AHI1: variants seen among roughly 807,000 people sequenced by gnomAD.
The protein encoded by AHI1 is Abelson helper integration site 1.
A neutral mutation model predicts 149.3 loss-of-function variants in AHI1; 123 were observed. That is an observed-to-expected ratio of 0.82 (90% CI 0.71 to 0.96). The LOEUF (loss-of-function observed/expected upper bound fraction) is 0.96, where lower values mean the gene tolerates loss of function less well. Ranked by LOEUF, AHI1 falls within the 40% of genes least tolerant of loss-of-function variation. The pLI is 0.00. For missense variants in AHI1, 1,439 were observed against 1,422.7 expected, an observed-to-expected ratio of 1.01 and a Z score of -0.18; for synonymous variants, 475 against 459.8, an observed-to-expected ratio of 1.03 and a Z score of -0.42.
Position 135,302,140 on chromosome 6 carries a change from C to T in AHI1, c.3427-1582G>A, listed in dbSNP as rs536300719. On this transcript the variant is annotated intron_variant, in intron 26 of 28. Transcript: ENST00000265602. ...CTGAGTTGCTGGGATTACAGGTGTG[C>T]GCCTCCATGTCCAGCTATTCTTTAC... 3,312 of 984,876 alleles carry T rather than the reference C, an allele frequency of 3.4e-3. 8 individuals carry two copies. Among genetic ancestry groups the T allele is most frequent in the Non-Finnish European group, 3.8e-3 (3,178 of 829,484 alleles). 61.0% of individuals were successfully genotyped at this position (984,876 alleles called of 1,614,324 possible).
rs771405595 is a variant in AHI1 at position 135,428,740 on chromosome 6, C to T, written c.2512G>A (p.Val838Ile). 11 of 1,604,010 alleles carry T rather than the reference C, an allele frequency of 6.9e-6. No individual in the cohort carries two copies. The highest frequency in any genetic ancestry group is 8.5e-6 in the Non-Finnish European group (10 of 1,174,402). ...DLRILVARKFVGAANYREKIH... is the reference protein window; with the variant it reads ...DLRILVARKFIGAANYREKIH... ...TTCTCCCGATAATTTGCTGCTCCTACAAACTTCCTTGCTACTAATCTACAA... is the reference window on the plus strand; with the variant it reads ...TTCTCCCGATAATTTGCTGCTCCTATAAACTTCCTTGCTACTAATCTACAA... Residue 838 changes from valine (V) to isoleucine (I), a missense_variant, in exon 19 of 29, where the codon GTA becomes ATA. Coordinates refer to ENST00000265602, the MANE Select transcript of AHI1 (RefSeq NM_001134831.2).
At chr6:135,364,061 G>A (rs1477802842) in intron 23 of AHI1, among the ~76,000 whole-genome samples, 58 of 150,656 alleles carry the variant, frequency 3.8e-4, no homozygotes, top group Non-Finnish European at 7.1e-4. Flanking sequence ...CGGCTGGCCG[G>A]GCGGGGGGCT....
In AHI1 at chr6:135,316,545, C is replaced by A. The variant is rs566611252; in HGVS notation, c.3426+1974G>T. 2.6e-5 allele frequency among the ~76,000 whole-genome samples: 4 copies of A among 152,220 alleles called. No individual in the cohort carries two copies. In the South Asian group the frequency reaches 8.3e-4, roughly 32 times the overall value. On this transcript the variant is annotated intron_variant, in intron 26 of 28. Coordinates refer to ENST00000265602, the MANE Select transcript of AHI1 (RefSeq NM_001134831.2). ...CTATACTCTTCTTGAACCTCTCTAC[C>A]TCTTCTGGCTTCCAGGGCACTTTTT...
rs534911809 is a variant in AHI1 at position 135,462,422 on chromosome 6, A to G, written c.931+703T>C. On this transcript the variant is annotated intron_variant, in intron 8 of 28. Coordinates refer to ENST00000265602, the MANE Select transcript of AHI1 (RefSeq NM_001134831.2). Reference sequence around the variant, plus strand: ...TAGGCTGACGAATTGGGAGGATACCATGTTGGACAGGATGCAGCCTTAACA... The same window carrying G: ...TAGGCTGACGAATTGGGAGGATACCGTGTTGGACAGGATGCAGCCTTAACA... Among the ~76,000 whole-genome samples the G allele has an allele frequency of 9.2e-5, 14 of 152,138 alleles. 1 individual carries two copies. The South Asian group carries it at 2.5e-3, about 27-fold the overall frequency.
chr6:135,437,119 T>C (rs1389725277), intron 15 of AHI1, among the ~76,000 whole-genome samples: 1 of 152,174 alleles, frequency 6.6e-6, no homozygotes, highest in Non-Finnish European at 1.5e-5. Context: ...GAGGGAAATA[T>C]ACGAAGATCA....
chr6:135,326,528 C>T (rs1787712307), intron 24 of AHI1, among the ~76,000 whole-genome samples: 1 of 151,916 alleles, frequency 6.6e-6, no homozygotes, highest in Non-Finnish European at 1.5e-5. Context: ...TTCAGTGTAC[C>T]TGTCATGTAA....
chr6:135,461,635 G>A (rs1042173431), intron 8 of AHI1, among the ~76,000 whole-genome samples: 1 of 151,920 alleles, frequency 6.6e-6, no homozygotes, highest in African/African-American at 2.4e-5. Context: ...GTGAATTACC[G>A]CTTTACTTAT....
At position 135,285,508 on chromosome 6, in the gene AHI1, A is replaced by G; in HGVS notation, c.*137T>C. The stretch of plus-strand genomic sequence containing the variant: ...ACTTGATTCTGATTTTTCTAGAGTC[A>G]TTCATAAGAACAAGAAGTAGTGGAT... On this transcript the variant is annotated 3_prime_UTR_variant, in exon 29 of 29. Transcript: ENST00000265602. The G allele has an allele frequency of 1.1e-6, 1 of 912,732 alleles. No individual in the cohort carries two copies. The highest frequency in any genetic ancestry group is 1.7e-6 in the Non-Finnish European group (1 of 582,764). 56.5% of individuals were successfully genotyped at this position (912,732 alleles called of 1,614,324 possible).
chr6:135,364,031 C>A (rs1233672286), intron 23 of AHI1, among the ~76,000 whole-genome samples: 1 of 149,016 alleles, frequency 6.7e-6, no homozygotes, highest in African/African-American at 2.5e-5. Context: ...GCAGAGGCGC[C>A]CCTCACCTCC....
intron 21 of AHI1, among the ~76,000 whole-genome samples, chr6:135,406,043 G>A (rs576240083): frequency 9.2e-5 from 14 of 152,182 alleles, no homozygotes; most frequent in African/African-American, 2.9e-4. Flanking sequence ...ATACTTCTCA[G>A]TTATTGGGAG....
At position 135,302,153 on chromosome 6, in the gene AHI1, A is replaced by G. The variant is rs560860877; in HGVS notation, c.3427-1595T>C. ...ATTACAGGTGTGCGCCTCCATGTCCAGCTATTCTTTACAAGGTCTCAGTAT... is the reference window on the plus strand; with the variant it reads ...ATTACAGGTGTGCGCCTCCATGTCCGGCTATTCTTTACAAGGTCTCAGTAT... On this transcript the variant is annotated intron_variant, in intron 26 of 28. Transcript: ENST00000265602. 1.5e-4 allele frequency: 150 copies of G among 985,294 alleles called. No individual in the cohort carries two copies. The African/African-American group carries it at 2.4e-3, about 16-fold the overall frequency. The allele number at this position is 985,294 out of a possible 1,614,324, so 61.0% of individuals were successfully genotyped here.
At chr6:135,485,962 T>C (rs1794413592) in intron 5 of AHI1, among the ~76,000 whole-genome samples, 1 of 152,198 alleles carries the variant, frequency 6.6e-6, no homozygotes, top group African/African-American at 2.4e-5. Flanking sequence ...TATATGATCC[T>C]GGGTACATTT....
intron 5 of AHI1, among the ~76,000 whole-genome samples, chr6:135,468,299 G>GA (rs1182972049): frequency 2.0e-5 from 3 of 151,672 alleles, no homozygotes; most frequent in South Asian, 2.1e-4. Context: ...AATAAATAAG[G>GA]AAAAAAACCC....
At chr6:135,417,242 G>T (rs1041867406) in intron 20 of AHI1, among the ~76,000 whole-genome samples, 3 of 151,878 alleles carry the variant, frequency 2.0e-5, no homozygotes, top group African/African-American at 7.2e-5. Context: ...ATAAAACTGG[G>T]TTAATTATTT....
chr6:135,397,327 A>T (rs1318879164), intron 22 of AHI1, among the ~76,000 whole-genome samples: 1 of 151,988 alleles, frequency 6.6e-6, no homozygotes, highest in Non-Finnish European at 1.5e-5. Flanking sequence ...GTGCTGCGGA[A>T]AAGAATTGCT....
At position 135,308,787 on chromosome 6, in the gene AHI1, G is replaced by A. The variant is rs186767339; in HGVS notation, c.3427-8229C>T. ...TAACGAGAATTTAGGAAGATATCGAGGAAATGACACATTCCCTAAACCTTG... is the reference window on the plus strand; with the variant it reads ...TAACGAGAATTTAGGAAGATATCGAAGAAATGACACATTCCCTAAACCTTG... On this transcript the variant is annotated intron_variant, in intron 26 of 28. Coordinates refer to ENST00000265602, the MANE Select transcript of AHI1 (RefSeq NM_001134831.2). 1.9e-4 allele frequency among the ~76,000 whole-genome samples: 29 copies of A among 152,310 alleles called. 1 individual carries two copies. In the East Asian group the frequency reaches 5.0e-3, roughly 26 times the overall value.
At chr6:135,357,233 G>A (rs1397335241) in intron 24 of AHI1, among the ~76,000 whole-genome samples, 1 of 152,096 alleles carries the variant, frequency 6.6e-6, no homozygotes. Context: ...CACTGTGTCC[G>A]GCCATCTTTA....
intron 13 of AHI1, among the ~76,000 whole-genome samples, chr6:135,445,564 A>T (rs1024435333): frequency 7.9e-5 from 12 of 152,230 alleles, no homozygotes; most frequent in African/African-American, 1.9e-4. Flanking sequence ...ATTTTTTTTT[A>T]AATTTTTAAT....
In AHI1 at chr6:135,283,904, CTTAAA is replaced by C. The variant is rs1294480467; in HGVS notation, c.*1736_*1740del. 1 of 152,158 alleles carries C rather than the reference CTTAAA, an allele frequency of 6.6e-6. No individual in the cohort carries two copies. Among genetic ancestry groups the C allele is most frequent in the African/African-American group, 2.4e-5 (1 of 41,426 alleles). 9.4% of individuals were successfully genotyped at this position (152,158 alleles called of 1,614,324 possible). On this transcript the variant is annotated 3_prime_UTR_variant, in exon 29 of 29. Coordinates refer to ENST00000265602, the MANE Select transcript of AHI1 (RefSeq NM_001134831.2). ...TCCCCCTGACATATTTTTCATTCAT[CTTAAA>C]TTATTTCTAAACTTGTTGAAATTCT...
Sources: allele counts gnomAD v4.1 joint callset (sites outside exome capture counted in the v4.1 genomes callset), GRCh38; gene constraint gnomAD v4.1.1; transcripts MANE v1.5; gene names NCBI Gene and HGNC (gene_info 2026-07-23, HGNC 2026-07-21).